NBPF8: variants seen among roughly 807,000 people sequenced by gnomAD.
NBPF8 encodes NBPF member 8, also known as NBPF family member NBPF8.
At chr1:120,420,203 G>T (rs1218970908) in intron 1 of NBPF8, among the ~76,000 whole-genome samples, 85 bp downstream of exon 2, 5 of 151,670 alleles carry the variant, frequency 3.3e-5, no homozygotes, top group Non-Finnish European at 7.4e-5. Flanking sequence ...AAGATGCCAA[G>T]GGCCCTAAAC....
At chr1:120,434,416 TATATATATATATAC>T (rs1661013468), upstream of NBPF8, among the ~76,000 whole-genome samples, 2 of 136,558 alleles carry the variant, frequency 1.5e-5, no homozygotes, top group Non-Finnish European at 3.0e-5. Flanking sequence ...GTATATATAT[TATATATATATATAC>T]GTGTGCCATG....
chr1:120,421,079 C>A lies in NBPF8; in HGVS notation n.269+961C>A, dbSNP rs1226455189. The stretch of plus-strand genomic sequence containing the variant: ...GGACAAGGAGCAGCAGGGAAGGTTG[C>A]GGCCTGGTGTTCTGGGATCCACTGT... On this transcript the variant is annotated intron_variant and non_coding_transcript_variant, in intron 1 of 28. Transcript: ENST00000652355. 2.0e-5 allele frequency among the ~76,000 whole-genome samples: 3 copies of A among 150,564 alleles called. No individual in the cohort carries two copies. In the East Asian group the frequency reaches 5.9e-4, roughly 29 times the overall value.
At chr1:120,464,408 C>G (rs1661684590) in exon 23 of NBPF8, 1 of 712,552 alleles carries the variant, frequency 1.4e-6, no homozygotes, top group Non-Finnish European at 2.6e-6. Context: ...GTAGTAGAGC[C>G]TGAAGTCTTG....
At chr1:120,425,411 G>T (rs1190870635) in intron 1 of NBPF8, among the ~76,000 whole-genome samples, 3 of 152,124 alleles carry the variant, frequency 2.0e-5, no homozygotes, top group African/African-American at 4.8e-5. Flanking sequence ...CACATCAAAA[G>T]CACAGCACTT....
At chr1:120,456,237 T>C (rs1283044385) in intron 16 of NBPF8, among the ~76,000 whole-genome samples, 1 of 151,262 alleles carries the variant, frequency 6.6e-6, no homozygotes, top group Non-Finnish European at 1.5e-5. Flanking sequence ...AGAATGTATA[T>C]TCTGTTGATT....
chr1:120,460,555 A>G lies in NBPF8; in HGVS notation n.2785-18A>G, dbSNP rs1661552396. Reference sequence around the variant, plus strand: ...AGAACTGCTTAATGTAAGAGGGCCCATATGAATTTATTTGCAGGACATCGG... The same window carrying G: ...AGAACTGCTTAATGTAAGAGGGCCCGTATGAATTTATTTGCAGGACATCGG... On this transcript the variant is annotated intron_variant and non_coding_transcript_variant, in intron 17 of 24. Transcript: ENST00000583271. 1.0e-5 allele frequency: 14 copies of G among 1,395,876 alleles called. No individual in the cohort carries two copies. Among genetic ancestry groups the G allele is most frequent in the Non-Finnish European group, 1.3e-5 (13 of 993,400 alleles). The allele number at this position is 1,395,876 out of a possible 1,614,324, so 86.5% of individuals were successfully genotyped here.
intron 12 of NBPF8, 140 bp from the exon 11 acceptor site, chr1:120,451,977 A>T: frequency 1.0e-6 from 1 of 971,692 alleles, no homozygotes; most frequent in Non-Finnish European, 1.7e-6. Flanking sequence ...TCTCTTGGCC[A>T]CAGACATTCC....
chr1:120,464,275 A>C, intron 22 of NBPF8, 101 bp from the exon 21 acceptor site: 5 of 686,006 alleles, frequency 7.3e-6, no homozygotes, highest in South Asian at 6.1e-5. Flanking sequence ...CTATCCTTTT[A>C]CTTTTTTAAC....
At chr1:120,464,686 T>C in intron 23 of NBPF8, 138 bp downstream of exon 21, 1 of 592,596 alleles carries the variant, frequency 1.7e-6, no homozygotes, top group Non-Finnish European at 3.0e-6. Flanking sequence ...GTAGGTTGAA[T>C]GAAACTCTAG....
At chr1:120,456,151 C>A (rs1357108461) in intron 16 of NBPF8, among the ~76,000 whole-genome samples, 1 of 151,592 alleles carries the variant, frequency 6.6e-6, no homozygotes. Flanking sequence ...GATTTCCATT[C>A]TTTTACATTT....
chr1:120,460,348 G>A (rs1244796975), intron 17 of NBPF8, among the ~76,000 whole-genome samples: 2 of 152,056 alleles, frequency 1.3e-5, no homozygotes, highest in Non-Finnish European at 2.9e-5. Context: ...AGCACATAGG[G>A]AAGATAACAT....
At chr1:120,415,084 G>T (rs1377647198), upstream of NBPF8, among the ~76,000 whole-genome samples, 8 of 152,126 alleles carry the variant, frequency 5.3e-5, no homozygotes, top group African/African-American at 1.7e-4. Context: ...CTGGGCGGCG[G>T]TTGAGACAGC....
intron 15 of NBPF8, among the ~76,000 whole-genome samples, chr1:120,454,702 G>T (rs1437007429): frequency 0.015 from 321 of 21,752 alleles, 1 homozygote; most frequent in Non-Finnish European, 0.021. Flanking sequence ...TAGCATCGTG[G>T]ATTTTTTTTT....
exon 1 of NBPF8, chr1:120,436,597 C>A (rs1204170614): frequency 6.2e-7 from 1 of 1,606,212 alleles, no homozygotes; most frequent in Non-Finnish European, 8.5e-7. Context: ...AGAAATTGCG[C>A]CCCCAGTTGG....
chr1:120,422,696 A>T (rs1416038214), intron 1 of NBPF8, among the ~76,000 whole-genome samples: 5 of 143,782 alleles, frequency 3.5e-5, no homozygotes, highest in Admixed American at 3.4e-4. Context: ...GCAAGTACTT[A>T]TGTGCAGGAT....
intron 11 of NBPF8, among the ~76,000 whole-genome samples, chr1:120,450,398 C>T (rs1197496743): frequency 0.48 from 72,956 of 151,260 alleles, 19,354 homozygotes; most frequent in African/African-American, 0.68. Flanking sequence ...GGACCGTGGG[C>T]CTGTCTCCTG....
chr1:120,428,551 A>C (rs1660785453), intron 3 of NBPF8, among the ~76,000 whole-genome samples: 1 of 152,102 alleles, frequency 6.6e-6, no homozygotes, highest in Non-Finnish European at 1.5e-5. Flanking sequence ...ATCAGCTTTA[A>C]TTCAGGCAGG....
chr1:120,449,701 TC>T (rs1367910263), intron 11 of NBPF8, among the ~76,000 whole-genome samples: 1 of 152,156 alleles, frequency 6.6e-6, no homozygotes, highest in Admixed American at 6.5e-5. Flanking sequence ...TTTTCAAGAA[TC>T]CTCTCTACCA....
exon 25 of NBPF8, chr1:120,466,059 G>C: frequency 6.2e-7 from 1 of 1,611,944 alleles, no homozygotes; most frequent in African/African-American, 1.3e-5. Context: ...CTCCATCAAT[G>C]TACTGTGAAC....
Sources: gnomAD v4.1 joint callset for allele counts (sites outside exome capture counted in the v4.1 genomes callset) on GRCh38, gnomAD v4.1.1 for gene constraint, MANE v1.5 for transcripts, NCBI Gene and HGNC (gene_info 2026-07-23, HGNC 2026-07-21) for gene names.